CUX1: variants seen among roughly 807,000 people sequenced by gnomAD.
CUX1 encodes the protein protein CASP.
A neutral mutation model predicts 158.8 loss-of-function variants in CUX1; 31 were observed. The ratio of observed to expected loss-of-function variants is 0.20; its 90% CI spans 0.15 to 0.26. The LOEUF (loss-of-function observed/expected upper bound fraction) is 0.26. Among genes scored for constraint, CUX1 ranks in the 10% least tolerant of loss-of-function variants. CUX1 has a pLI of 1.00. For missense variants in CUX1, 1,589 were observed against 2,014.6 expected (o/e 0.79, Z 4.04); for synonymous variants, 879 against 862.1 (o/e 1.02, Z -0.34).
At chr7:101,975,382 C>G (rs1404602970) in intron 2 of CUX1, among the ~76,000 whole-genome samples, 1 of 151,494 alleles carries the variant, frequency 6.6e-6, no homozygotes, top group Non-Finnish European at 1.5e-5. Context: ...CTTATCTCTA[C>G]AAAAAATGAA....
In CUX1 at chr7:102,249,446, C is replaced by T. The variant is rs1227292517; in HGVS notation, c.*404C>T. On this transcript the variant is annotated 3_prime_UTR_variant, in exon 24 of 24. Transcript: ENST00000292535. ...TATGTCGTGTTTTCAAGGAAGAAAA[C>T]GGAAATGTGTGGTCGAGCTTTTTTG... The T allele has an allele frequency of 2.0e-6, 2 of 986,202 alleles. No homozygotes were observed. Among genetic ancestry groups the T allele is most frequent in the African/African-American group, 1.7e-5 (1 of 57,254 alleles). 61.1% of individuals were successfully genotyped at this position (986,202 alleles called of 1,614,324 possible). A position where few individuals can be genotyped will look rare whatever the true frequency, so the allele number is the denominator to read the frequency against.
In CUX1 at chr7:102,249,780, G is replaced by C; in HGVS notation, c.*738G>C. 1.0e-6 allele frequency: 1 copy of C among 985,734 alleles called. No individual in the cohort carries two copies. The highest frequency in any genetic ancestry group is 1.2e-6 in the Non-Finnish European group (1 of 829,896). 61.1% of individuals were successfully genotyped at this position (985,734 alleles called of 1,614,324 possible). The stretch of plus-strand genomic sequence containing the variant: ...AGTCAAAACGACTCTAAACACACTA[G>C]TTTGGATTCCTAAATATTTTCAAGA... On this transcript the variant is annotated 3_prime_UTR_variant, in exon 24 of 24. Coordinates refer to ENST00000292535, the MANE Select transcript of CUX1 (RefSeq NM_181552.4).
intron 3 of CUX1, among the ~76,000 whole-genome samples, chr7:102,060,642 C>CACACACACACACACACTT (rs1480331679): frequency 6.6e-6 from 1 of 151,208 alleles, no homozygotes; most frequent in East Asian, 1.9e-4. Flanking sequence ...CACACACACA[C>CACACACACACACACACTT]ACTTTGCTGC....
intron 2 of CUX1, among the ~76,000 whole-genome samples, chr7:101,999,217 C>CTTTTTTTTTT (rs3988167): frequency 1.2e-5 from 1 of 85,834 alleles, no homozygotes; most frequent in Non-Finnish European, 2.0e-5. Flanking sequence ...TTTTTTTTAC[C>CTTTTTTTTTT]TTTTTTTTTT....
At chr7:101,827,139 G>A (rs1269275917) in intron 1 of CUX1, among the ~76,000 whole-genome samples, 2 of 151,930 alleles carry the variant, frequency 1.3e-5, no homozygotes, top group East Asian at 3.9e-4. Flanking sequence ...AAATACAGTT[G>A]ACCCTTGAAC....
At chr7:101,962,082 C>T (rs1810568572) in intron 2 of CUX1, among the ~76,000 whole-genome samples, 1 of 152,086 alleles carries the variant, frequency 6.6e-6, no homozygotes, top group Admixed American at 6.6e-5. Context: ...TTTTTCTGTG[C>T]TTTAAACATA....
chr7:102,092,366 C>A (rs1258742279), intron 4 of CUX1, among the ~76,000 whole-genome samples: 1 of 152,116 alleles, frequency 6.6e-6, no homozygotes, highest in Non-Finnish European at 1.5e-5. Flanking sequence ...AATCCTTGCG[C>A]TGCCTGGCAT....
At chr7:102,270,961 C>T (rs202246784) in intron 14 of CUX1, among the ~76,000 whole-genome samples, 2 of 152,220 alleles carry the variant, frequency 1.3e-5, no homozygotes, top group East Asian at 3.8e-4. Flanking sequence ...CCCTGGTGCC[C>T]ACGGATGGTG....
chr7:102,274,294 C>A, exon 16 of CUX1: 1 of 1,613,598 alleles, frequency 6.2e-7, no homozygotes, highest in Non-Finnish European at 8.5e-7. Context: ...TCAAAGAGGC[C>A]ACTGCCCTAT....
intron 8 of CUX1, among the ~76,000 whole-genome samples, chr7:102,151,645 T>C (rs906918869): frequency 1.4e-5 from 2 of 145,812 alleles, no homozygotes; most frequent in Non-Finnish European, 3.0e-5. Flanking sequence ...GGAGAGTCAC[T>C]TGAACTGGGA....
intron 2 of CUX1, among the ~76,000 whole-genome samples, chr7:102,011,661 A>G (rs1235519017): frequency 2.0e-5 from 3 of 151,452 alleles, no homozygotes; most frequent in Non-Finnish European, 3.0e-5. Flanking sequence ...GATTACAGAC[A>G]TGAGCCACCG....
chr7:101,978,829 AT>A (rs1813050806), intron 2 of CUX1, among the ~76,000 whole-genome samples: 1 of 152,040 alleles, frequency 6.6e-6, no homozygotes, highest in African/African-American at 2.4e-5. Context: ...CTGGTGTGTC[AT>A]TTCCATCTCT....
rs1807418872 is a variant in CUX1 at position 101,939,362 on chromosome 7, C to G, written c.141+23137C>G. Among the ~76,000 whole-genome samples the G allele has an allele frequency of 2.0e-5, 3 of 151,954 alleles. No homozygotes were observed. In the South Asian group the frequency reaches 6.2e-4, roughly 32 times the overall value. ...GTAGTATTCCATTGTATGGATGTAC[C>G]ACAGCATGGAGGGATTTTTAAGGCT... On this transcript the variant is annotated intron_variant, in intron 2 of 23. Coordinates refer to ENST00000292535, the MANE Select transcript of CUX1 (RefSeq NM_181552.4).
At chr7:102,163,544 G>A (rs1554507815) in intron 9 of CUX1, among the ~76,000 whole-genome samples, 1 of 152,148 alleles carries the variant, frequency 6.6e-6, no homozygotes, top group African/African-American at 2.4e-5. Context: ...AGAATCGTAG[G>A]CGGGATTGAG....
intron 1 of CUX1, among the ~76,000 whole-genome samples, chr7:101,847,260 G>A (rs1227431602): frequency 1.3e-5 from 2 of 152,184 alleles, no homozygotes; most frequent in African/African-American, 2.4e-5. Flanking sequence ...TAGTTTTGGG[G>A]AAACTCCTCT....
Position 102,252,624 on chromosome 7 carries a change from AGTTC to A in CUX1, c.*3583_*3586del, listed in dbSNP as rs1801635704. ...GTTTGCATTTAGCCTCTTGACCCGGAGTTCCGGCCCAAGCTCCCTTGTGATAGCC... is the reference window on the plus strand; with the variant it reads ...GTTTGCATTTAGCCTCTTGACCCGGACGGCCCAAGCTCCCTTGTGATAGCC... On this transcript the variant is annotated 3_prime_UTR_variant, in exon 24 of 24. Coordinates refer to ENST00000292535, the MANE Select transcript of CUX1 (RefSeq NM_181552.4). 1 of 985,272 alleles carries A rather than the reference AGTTC, an allele frequency of 1.0e-6. No homozygotes were observed. The highest frequency in any genetic ancestry group is 4.7e-5 in the South Asian group (1 of 21,296). The allele number at this position is 985,272 out of a possible 1,614,324, so 61.0% of individuals were successfully genotyped here.
chr7:102,055,583 T>G (rs1390571682), intron 3 of CUX1, among the ~76,000 whole-genome samples: 1 of 152,200 alleles, frequency 6.6e-6, no homozygotes, highest in East Asian at 1.9e-4. Flanking sequence ...TTGATAAATA[T>G]TGTGTGTGTT....
In CUX1 at chr7:102,248,930, G is replaced by A. The variant is rs782764589; in HGVS notation, c.4406G>A (p.Arg1469Gln). The stretch of plus-strand genomic sequence containing the variant: ...GGCCTCCCCGAGGCCGCGGGCGCCC[G>A]GGACTCGCGCGACAACCCCCTGCGC... ...LFGLPEAAGARDSRDNPLRKK... is the reference protein window; with the variant it reads ...LFGLPEAAGAQDSRDNPLRKK... The change falls in exon 24 of 24, where the codon CGG becomes CAG. Residue 1469 changes from arginine to glutamine, a missense_variant. Physicochemically the swap from Arg to Gln is conservative, Grantham distance 43. This residue lies in a region of CUX1 where 344 missense variants were observed against 323.7 expected (regional missense o/e 1.06). Transcript: ENST00000292535. This position sits in a 1 kb window ranked among gnomAD's most constrained non-coding sequence, Gnocchi z 5.8. The A allele has an allele frequency of 8.8e-6, 13 of 1,473,224 alleles. No homozygotes were observed. The highest frequency in any genetic ancestry group is 1.2e-5 in the Non-Finnish European group (13 of 1,107,464). The allele number at this position is 1,473,224 out of a possible 1,614,324, so 91.3% of individuals were successfully genotyped here. A position where few individuals can be genotyped will look rare whatever the true frequency, so the allele number is the denominator to read the frequency against.
intron 6 of CUX1, among the ~76,000 whole-genome samples, chr7:102,105,303 T>C (rs530343583): frequency 2.0e-5 from 3 of 152,214 alleles, no homozygotes; most frequent in South Asian, 4.1e-4. Context: ...TTACCTCACA[T>C]ATCAGGGAGT....
Sources: allele counts gnomAD v4.1 joint callset (sites outside exome capture counted in the v4.1 genomes callset), GRCh38; gene constraint gnomAD v4.1.1; regional missense constraint gnomAD v4.1.1; non-coding constraint Gnocchi (gnomAD v3.1); transcripts MANE v1.5; gene names NCBI Gene and HGNC (gene_info 2026-07-23, HGNC 2026-07-21).